EYS: variants seen among roughly 807,000 people sequenced by gnomAD.
The protein encoded by EYS is protein eyes shut homolog.
EYS carries 250 observed loss-of-function variants against 282.1 expected under a neutral mutation model. The ratio of observed to expected loss-of-function variants is 0.89; its 90% CI spans 0.80 to 0.98. EYS has a LOEUF of 0.98. EYS is among the 50% of genes least tolerant of loss of function. The pLI, the probability that EYS is intolerant of heterozygous loss-of-function variation, is 0.00. For synonymous variants in EYS, 1,355 were observed against 1,282.9 expected (o/e 1.06, Z -1.20); for missense variants, 4,016 against 3,709.0 (o/e 1.08, Z -2.15).
chr6:64,391,234 A>G (rs1773126546), intron 28 of EYS, among the ~76,000 whole-genome samples: 1 of 151,836 alleles, frequency 6.6e-6, no homozygotes, highest in Non-Finnish European at 1.5e-5. Flanking sequence ...TCCCCAATCT[A>G]GCAAAGCAGG....
intron 2 of EYS, among the ~76,000 whole-genome samples, chr6:65,558,303 A>G (rs1411852): frequency 0.54 from 81,217 of 151,704 alleles, 21,681 homozygotes; most frequent in East Asian, 0.7. Flanking sequence ...TAGGGGTGGT[A>G]TGTCAGTGCA....
chr6:65,120,320 T>A (rs1050488496), intron 12 of EYS, among the ~76,000 whole-genome samples: 98 of 151,818 alleles, frequency 6.5e-4, no homozygotes, highest in Non-Finnish European at 1.2e-3. Context: ...CACCTTTTTT[T>A]AAAATAGTTT....
chr6:65,027,185 T>C (rs1583412229), intron 13 of EYS, among the ~76,000 whole-genome samples: 1 of 152,186 alleles, frequency 6.6e-6, no homozygotes, highest in Non-Finnish European at 1.5e-5. Flanking sequence ...ACAGTTATTT[T>C]AGCTTTTACC....
intron 30 of EYS, among the ~76,000 whole-genome samples, chr6:64,289,349 T>C (rs533219619): frequency 5.9e-5 from 9 of 152,042 alleles, no homozygotes; most frequent in Admixed American, 1.3e-4. Context: ...CAACATAAAA[T>C]CTCTTATATA....
chr6:63,763,746 TC>T (rs1027866227), intron 40 of EYS, among the ~76,000 whole-genome samples: 15 of 151,842 alleles, frequency 9.9e-5, no homozygotes, highest in African/African-American at 3.6e-4. Context: ...TAAACCTCTT[TC>T]CTTTATAAAT....
chr6:64,966,474 A>G (rs1461934240), intron 14 of EYS, among the ~76,000 whole-genome samples: 1 of 152,202 alleles, frequency 6.6e-6, no homozygotes, highest in African/African-American at 2.4e-5. Context: ...AGAGATGTAG[A>G]GTATAAAGCC....
At chr6:64,950,813 ATATATATATATATATATATATT>A (rs960662491) in intron 14 of EYS, among the ~76,000 whole-genome samples, 10 of 107,106 alleles carry the variant, frequency 9.3e-5, no homozygotes, top group South Asian at 3.2e-4. Context: ...ATATATATAT[ATATATATATATATATATATATT>A]GTTGAATTGT....
At chr6:64,817,298 G>A (rs1764765964) in intron 21 of EYS, among the ~76,000 whole-genome samples, 2 of 152,042 alleles carry the variant, frequency 1.3e-5, no homozygotes, top group South Asian at 4.1e-4. Flanking sequence ...TAGAGTCTGT[G>A]TTCAAATAAA....
At chr6:64,997,507 C>T in intron 14 of EYS, 75 bp downstream of exon 14, 1 of 1,385,960 alleles carries the variant, frequency 7.2e-7, no homozygotes, top group Non-Finnish European at 9.9e-7. Flanking sequence ...CAGGCAAAAA[C>T]TCACTCTATT....
chr6:63,735,164 A>C (rs1295321713), intron 41 of EYS, among the ~76,000 whole-genome samples: 8 of 152,050 alleles, frequency 5.3e-5, no homozygotes, highest in Admixed American at 5.3e-4. Flanking sequence ...GTACCTTTGA[A>C]GCTTTTGTTT....
intron 2 of EYS, among the ~76,000 whole-genome samples, chr6:65,545,621 A>G (rs1689382987): frequency 6.6e-6 from 1 of 152,194 alleles, no homozygotes; most frequent in African/African-American, 2.4e-5. Context: ...TATGTTGTAT[A>G]TGTACGTAAT....
intron 12 of EYS, among the ~76,000 whole-genome samples, chr6:65,239,896 G>A (rs911138470): frequency 6.6e-6 from 1 of 151,618 alleles, no homozygotes; most frequent in African/African-American, 2.4e-5. Flanking sequence ...AATCTGTTAA[G>A]AAACTAACAT....
intron 36 of EYS, among the ~76,000 whole-genome samples, chr6:63,838,251 C>T (rs1319825408): frequency 6.6e-6 from 1 of 150,816 alleles, no homozygotes; most frequent in African/African-American, 2.4e-5. Flanking sequence ...TTTAGCCTGC[C>T]GTGTAATTTT....
chr6:64,618,828 A>C (rs1190396385), intron 23 of EYS, among the ~76,000 whole-genome samples: 1 of 152,174 alleles, frequency 6.6e-6, no homozygotes, highest in African/African-American at 2.4e-5. Context: ...GTAAAAGGTG[A>C]TATGGAAAAA....
At chr6:65,657,782 G>T (rs1380165450) in intron 1 of EYS, among the ~76,000 whole-genome samples, 2 of 151,724 alleles carry the variant, frequency 1.3e-5, no homozygotes, top group Non-Finnish European at 3.0e-5. Flanking sequence ...TTCTACTGTG[G>T]GTAAAATGTT....
chr6:64,151,028 T>C (rs550520014), intron 31 of EYS, among the ~76,000 whole-genome samples: 1 of 152,106 alleles, frequency 6.6e-6, no homozygotes, highest in South Asian at 2.1e-4. Context: ...AGTAATTACA[T>C]TTTAGGCAAA....
intron 33 of EYS, 67 bp from the exon 34 acceptor site, chr6:63,999,250 T>G (rs1767970737): frequency 1.0e-6 from 1 of 976,150 alleles, no homozygotes; most frequent in African/African-American, 1.6e-5. Context: ...ACTTCACACA[T>G]GGATAGTAAG....
chr6:64,934,135 TA>T (rs753698919), intron 15 of EYS, among the ~76,000 whole-genome samples: 3,444 of 144,446 alleles, frequency 0.024, 41 homozygotes, highest in Middle Eastern at 0.05. Context: ...TAAAGTATAT[TA>T]AAAAAAAAAA....
intron 13 of EYS, among the ~76,000 whole-genome samples, chr6:65,027,044 A>C (rs1267391024): frequency 6.6e-6 from 1 of 150,860 alleles, no homozygotes; most frequent in Non-Finnish European, 1.5e-5. Flanking sequence ...TGACAGTGAG[A>C]AGCTTGGCTA....
Sources: allele counts gnomAD v4.1 joint callset (sites outside exome capture counted in the v4.1 genomes callset), GRCh38; gene constraint gnomAD v4.1.1; transcripts MANE v1.5; gene names NCBI Gene and HGNC (gene_info 2026-07-23, HGNC 2026-07-21).